The following ZNF225 variants were observed in gnomAD, a reference collection of about 807,000 sequenced individuals.
The protein encoded by ZNF225 is zinc finger protein 225.
In ZNF225, 6 loss-of-function variants were observed where a neutral mutation model predicts 12.0. The observed-to-expected ratio is 0.50, with a 90% CI of 0.27 to 0.98. The LOEUF (loss-of-function observed/expected upper bound fraction) is 0.98. ZNF225 is among the 50% of genes least tolerant of loss of function. The pLI is 0.11. For missense variants in ZNF225, 763 were observed against 848.2 expected, an observed-to-expected ratio of 0.90 and a Z score of 1.25; for synonymous variants, 271 against 283.2, an observed-to-expected ratio of 0.96 and a Z score of 0.43.
chr19:44,130,522 A>C (rs1343787903), intron 4 of ZNF225: 1 of 188,956 alleles, frequency 5.3e-6, no homozygotes, highest in Non-Finnish European at 1.1e-5. Context: ...CACAGTGAAA[A>C]CCCATCTGTA....
chr19:44,131,744 G>A lies in ZNF225; in HGVS notation c.1130G>A (p.Cys377Tyr), dbSNP rs771555947. Residue 377 changes from cysteine (C) to tyrosine (Y), a missense_variant, in exon 5 of 5, where the codon TGT (cysteine) becomes TAT (tyrosine). Cys to Tyr is a radical substitution (Grantham distance 194). Coordinates refer to ENST00000262894, the MANE Select transcript of ZNF225 (RefSeq NM_013362.4). ...GAGAAGCCATATAATTGTAAAGAAT[G>A]TGGAAAGAGCTTCAGATGGGCCTCA... is the stretch of plus-strand genomic sequence containing the variant. ...TGEKPYNCKE[C>Y]GKSFRWASGL... The A allele has an allele frequency of 6.2e-7, 1 of 1,614,252 alleles. No individual in the cohort carries two copies. The highest frequency in any genetic ancestry group is 8.5e-7 in the Non-Finnish European group (1 of 1,180,046).
chr19:44,125,135 G>A (rs1298845253), intron 4 of ZNF225, among the ~76,000 whole-genome samples: 2 of 152,164 alleles, frequency 1.3e-5, no homozygotes, highest in South Asian at 2.1e-4. Context: ...TATAGGTCCT[G>A]TGTGATTTAT....
chr19:44,134,817 C>T lies in ZNF225; in HGVS notation c.*2082C>T. ...TAAATACCTAGTTCTATATCTAGTA[C>T]CCTGAGCTTATGTGGGGCTAATATT... On this transcript the variant is annotated 3_prime_UTR_variant, in exon 5 of 5. Coordinates refer to ENST00000262894, the MANE Select transcript of ZNF225 (RefSeq NM_013362.4). The T allele has an allele frequency of 6.6e-6, 1 of 152,122 alleles. No homozygotes were observed. Among genetic ancestry groups the T allele is most frequent in the African/African-American group, 2.4e-5 (1 of 41,420 alleles). 9.4% of individuals were successfully genotyped at this position (152,122 alleles called of 1,614,324 possible). A position where few individuals can be genotyped will look rare whatever the true frequency, so the allele number is the denominator to read the frequency against.
intron 4 of ZNF225, chr19:44,130,077 C>T (rs1968215292): frequency 6.6e-6 from 1 of 152,202 alleles, no homozygotes; most frequent in Admixed American, 6.5e-5. Flanking sequence ...GAATTGGTCT[C>T]ATGCAAACCA....
At chr19:44,118,655 CTGGTCTAA>C in intron 4 of ZNF225, 81 bp downstream of exon 4, 1 of 1,413,274 alleles carries the variant, frequency 7.1e-7, no homozygotes, top group Non-Finnish European at 9.8e-7. Context: ...CTCTGTTGTC[CTGGTCTAA>C]ATGGCCAGAC....
intron 2 of ZNF225, among the ~76,000 whole-genome samples, chr19:44,116,982 A>G (rs986998950): frequency 6.6e-6 from 1 of 151,862 alleles, no homozygotes; most frequent in African/African-American, 2.4e-5. Flanking sequence ...TTTTTTTTAC[A>G]GGATTGGTAT....
intron 4 of ZNF225, among the ~76,000 whole-genome samples, chr19:44,126,431 C>T (rs1342222957): frequency 6.6e-6 from 1 of 152,220 alleles, no homozygotes; most frequent in Non-Finnish European, 1.5e-5. Flanking sequence ...AGCGCCTGTT[C>T]CAGTGGAGGT....
At chr19:44,121,004 C>T (rs1968044683) in intron 4 of ZNF225, among the ~76,000 whole-genome samples, 1 of 152,116 alleles carries the variant, frequency 6.6e-6, no homozygotes, top group Admixed American at 6.5e-5. Context: ...TCACGCCATT[C>T]TCCTGCCTCA....
In ZNF225 at chr19:44,115,554, A is replaced by G. The variant is rs1044600201; in HGVS notation, c.-68-206A>G. The G allele has an allele frequency of 8.4e-5, 29 of 346,756 alleles. 1 individual carries two copies. In the Admixed American group the frequency reaches 1.3e-3, roughly 15 times the overall value. 21.5% of individuals were successfully genotyped at this position (346,756 alleles called of 1,614,324 possible). A position where few individuals can be genotyped will look rare whatever the true frequency, so the allele number is the denominator to read the frequency against. On this transcript the variant is annotated intron_variant, in intron 1 of 4. Coordinates refer to ENST00000262894, the MANE Select transcript of ZNF225 (RefSeq NM_013362.4). ...AGTACTTCATTCCTTTTAATTTCCA[A>G]ATAAGATTCCATTGTATGGATAGGC...
At chr19:44,130,567 G>A (rs113346020) in intron 4 of ZNF225, 52 of 264,154 alleles carry the variant, frequency 2.0e-4, no homozygotes, top group Middle Eastern at 1.2e-3. Context: ...GCGTGGTGGC[G>A]GGCGCCTATA....
At chr19:44,125,947 T>C (rs1012372091) in intron 4 of ZNF225, among the ~76,000 whole-genome samples, 1 of 152,212 alleles carries the variant, frequency 6.6e-6, no homozygotes, top group Non-Finnish European at 1.5e-5. Flanking sequence ...ACTTATTGTA[T>C]CATTTTTTGG....
intron 4 of ZNF225, among the ~76,000 whole-genome samples, chr19:44,122,519 T>C (rs1306098968): frequency 1.3e-5 from 2 of 152,346 alleles, no homozygotes; most frequent in South Asian, 2.1e-4. Flanking sequence ...GCATTTTTTT[T>C]CTAATTCTAT....
chr19:44,125,351 G>A (rs751790920), intron 4 of ZNF225, among the ~76,000 whole-genome samples: 13 of 152,318 alleles, frequency 8.5e-5, no homozygotes, highest in African/African-American at 1.2e-4. Context: ...TAAGGAGGCT[G>A]AAGATAGGGC....
intron 4 of ZNF225, among the ~76,000 whole-genome samples, chr19:44,120,398 G>A (rs1223943787): frequency 2.0e-5 from 3 of 152,172 alleles, no homozygotes; most frequent in Non-Finnish European, 4.4e-5. Context: ...CTGGTACATG[G>A]CAGGTATCTA....
chr19:44,125,829 C>G (rs887527074), intron 4 of ZNF225, among the ~76,000 whole-genome samples: 23 of 152,142 alleles, frequency 1.5e-4, no homozygotes, highest in African/African-American at 4.8e-4. Flanking sequence ...AATTCTATTG[C>G]TGAGACTTTC....
chr19:44,125,560 C>T (rs1394471835), intron 4 of ZNF225, among the ~76,000 whole-genome samples: 1 of 152,170 alleles, frequency 6.6e-6, no homozygotes, highest in African/African-American at 2.4e-5. Context: ...CTTTGTGCTT[C>T]TTGTATTTGG....
At chr19:44,127,510 C>A (rs757643909) in intron 4 of ZNF225, among the ~76,000 whole-genome samples, 1 of 152,138 alleles carries the variant, frequency 6.6e-6, no homozygotes, top group Non-Finnish European at 1.5e-5. Flanking sequence ...ACTCTGTATG[C>A]CGCACTGTCC....
At chr19:44,129,117 A>G in intron 4 of ZNF225, 1 of 1,230,760 alleles carries the variant, frequency 8.1e-7, no homozygotes, top group South Asian at 4.1e-5. Context: ...GTTATTGTTC[A>G]TATCAGTACA....
At chr19:44,122,948 GAC>G (rs1437496233) in intron 4 of ZNF225, among the ~76,000 whole-genome samples, 1 of 152,130 alleles carries the variant, frequency 6.6e-6, no homozygotes, top group Non-Finnish European at 1.5e-5. Flanking sequence ...AGCGAACAGT[GAC>G]AGTTTGACTT....
Sources: gnomAD v4.1 joint callset for allele counts (sites outside exome capture counted in the v4.1 genomes callset) on GRCh38, gnomAD v4.1.1 for gene constraint, MANE v1.5 for transcripts, NCBI Gene and HGNC (gene_info 2026-07-23, HGNC 2026-07-21) for gene names.